Variants in SNX20 observed in about 807,000 individuals in gnomAD.
SNX20 encodes the protein sorting nexin-20.
Under a neutral mutation model 24.5 loss-of-function variants are expected in SNX20, and 21 were observed. The ratio of observed to expected loss-of-function variants is 0.86; its 90% CI spans 0.61 to 1.23. The LOEUF (loss-of-function observed/expected upper bound fraction) is 1.23. Ranked by LOEUF, SNX20 falls within the 50% of genes most tolerant of loss-of-function variation. The pLI, the probability that SNX20 is intolerant of heterozygous loss-of-function variation, is 0.00. For synonymous variants in SNX20, 206 were observed against 192.8 expected, an observed-to-expected ratio of 1.07 and a Z score of -0.57; for missense variants, 433 against 430.8, an observed-to-expected ratio of 1.00 and a Z score of -0.04.
rs569741233 is a variant in SNX20 at position 50,674,813 on chromosome 16, A to C, written c.283-739T>G. 4.6e-5 allele frequency among the ~76,000 whole-genome samples: 7 copies of C among 152,354 alleles called. No homozygotes were observed. The South Asian group carries it at 1.4e-3, about 32-fold the overall frequency. Reference sequence around the variant, plus strand: ...TGGTGATGCCGTTATATGGTAAGAAAATCAATCCTTTTCAATCATCTTTCA... The same window carrying C: ...TGGTGATGCCGTTATATGGTAAGAACATCAATCCTTTTCAATCATCTTTCA... On this transcript the variant is annotated intron_variant, in intron 3 of 3. Transcript: ENST00000330943.
chr16:50,674,125 C>T (rs1963128025), intron 3 of SNX20, 51 bp from the exon 4 acceptor site: 1 of 1,533,282 alleles, frequency 6.5e-7, no homozygotes, highest in South Asian at 1.3e-5. Flanking sequence ...GGGGCTGCGG[C>T]GGACGGAGCA....
downstream of SNX20, chr16:50,668,124 C>T (rs1596786508): frequency 6.5e-7 from 1 of 1,550,186 alleles, no homozygotes; most frequent in East Asian, 2.4e-5. Context: ...CAGGGCTGAA[C>T]ACTCGAGTTG....
At chr16:50,679,694 TA>T (rs1963256194) in intron 1 of SNX20, among the ~76,000 whole-genome samples, 1 of 152,200 alleles carries the variant, frequency 6.6e-6, no homozygotes, top group Non-Finnish European at 1.5e-5. Context: ...CCCTACCTGA[TA>T]AATGTGGCTA....
At chr16:50,677,345 T>C in intron 2 of SNX20, 52 bp downstream of exon 2, 1 of 1,491,122 alleles carries the variant, frequency 6.7e-7, no homozygotes, top group Non-Finnish European at 9.0e-7. Context: ...CATTTGTACT[T>C]TGAATGTCTT....
Position 50,674,021 on chromosome 16 carries a change from G to A in SNX20, c.336C>T (p.Val112=). The change falls in exon 4 of 4, where the codon GTC becomes GTT. Residue 112 remains valine (V), a synonymous_variant. Transcript: ENST00000330943. ...QTGSFDNNKA[V]LERRYSDFAK... ...CGAAGTCGGAATAGCGCCGTTCCAG[G>A]ACGGCCTTGTTGTTGTCAAAGCTCC... 6.2e-7 allele frequency: 1 copy of A among 1,611,396 alleles called. No homozygotes were observed. Among genetic ancestry groups the A allele is most frequent in the East Asian group, 2.2e-5 (1 of 44,572 alleles).
chr16:50,670,713 T>C (rs1963028060), downstream of SNX20: 1 of 152,306 alleles, frequency 6.6e-6, no homozygotes, highest in African/African-American at 2.4e-5. Context: ...CTCTAACTGC[T>C]GCAGCATATG....
In SNX20 at chr16:50,673,855, G is replaced by A; in HGVS notation, c.502C>T (p.Leu168Phe). Reference sequence around the variant, plus strand: ...CGGCGCACGCAGCGGATGGCGTAGAGCAGGCCCAGGTACTCCTGCAGGGCG... The same window carrying A: ...CGGCGCACGCAGCGGATGGCGTAGAACAGGCCCAGGTACTCCTGCAGGGCG... The part of the protein sequence containing the change: ...RRALQEYLGL[L>F]YAIRCVRRSR... Residue 168 changes from leucine (L) to phenylalanine (F), a missense_variant, in exon 4 of 4, where the codon CTC (leucine) becomes TTC (phenylalanine). By Grantham distance (22) the Leu-to-Phe change is conservative. Coordinates refer to ENST00000330943, the MANE Select transcript of SNX20 (RefSeq NM_182854.4). The surrounding 1 kb of genome is among the most constrained non-coding windows in gnomAD (Gnocchi z 4.1). The A allele has an allele frequency of 1.2e-6, 2 of 1,604,464 alleles. No homozygotes were observed. Among genetic ancestry groups the A allele is most frequent in the Non-Finnish European group, 1.7e-6 (2 of 1,179,184 alleles).
intron 3 of SNX20, among the ~76,000 whole-genome samples, 159 bp from the exon 4 acceptor site, chr16:50,674,233 A>G (rs146248727): frequency 0.032 from 3,719 of 115,592 alleles, 47 homozygotes; most frequent in African/African-American, 0.04. Context: ...TTGTTTGTTT[A>G]TTTATTTATT....
chr16:50,676,136 C>G (rs1963177465), intron 2 of SNX20, among the ~76,000 whole-genome samples: 1 of 152,060 alleles, frequency 6.6e-6, no homozygotes, highest in Non-Finnish European at 1.5e-5. Context: ...CACCGACAAT[C>G]CCAAATAGCC....
At chr16:50,670,640 T>C (rs1182022242), downstream of SNX20, 3 of 152,494 alleles carry the variant, frequency 2.0e-5, no homozygotes, top group East Asian at 1.9e-4. Context: ...TGCGGAAAGC[T>C]TGCTGGAGGT....
At chr16:50,678,715 T>A (rs1963235338) in intron 1 of SNX20, among the ~76,000 whole-genome samples, 1 of 152,200 alleles carries the variant, frequency 6.6e-6, no homozygotes, top group South Asian at 2.1e-4. Context: ...GTTTACATAA[T>A]AACTCTGTCT....
intron 2 of SNX20, 152 bp downstream of exon 2, chr16:50,677,245 G>T: frequency 1.9e-6 from 2 of 1,027,808 alleles, no homozygotes; most frequent in Non-Finnish European, 2.7e-6. Flanking sequence ...TAAACAGCTT[G>T]CACTAGATCT....
downstream of SNX20, chr16:50,667,107 G>A (rs570752712): frequency 2.0e-5 from 3 of 152,356 alleles, no homozygotes; most frequent in South Asian, 4.1e-4. Context: ...CCCACACACA[G>A]GCTCCCAGCT....
At chr16:50,666,617 A>G (rs1962921649) in exon 4 of SNX20, 1 of 152,272 alleles carries the variant, frequency 6.6e-6, no homozygotes. Context: ...TGACAATTTA[A>G]AAAGCAGATT....
intron 2 of SNX20, 93 bp downstream of exon 2, chr16:50,677,304 G>A (rs1015686152): frequency 3.5e-6 from 5 of 1,414,508 alleles, no homozygotes; most frequent in Admixed American, 2.5e-5. Flanking sequence ...GAGCTGCCCG[G>A]GCCTCTTGCT....
At position 50,675,901 on chromosome 16, in the gene SNX20, A is replaced by C. The variant is rs764608481; in HGVS notation, c.151T>G (p.Ser51Ala). 1.2e-4 allele frequency: 186 copies of C among 1,609,484 alleles called. No individual in the cohort carries two copies. In the South Asian group the frequency reaches 1.9e-3, roughly 17 times the overall value. ...TCCCGCGTGGTCATGCTGGAGTTGG[A>C]GCTCAGGCCACTGTGTGTGTCTGGA... ...GHLDTHSGLS[S>A]NSSMTTRELQ... The change falls in exon 3 of 4, where the codon TCC (serine) becomes GCC (alanine). Residue 51 changes from serine to alanine, a missense_variant. By Grantham distance (99) the Ser-to-Ala change is moderately conservative. Transcript: ENST00000330943.
downstream of SNX20, chr16:50,668,317 GC>G: frequency 7.6e-7 from 1 of 1,317,852 alleles, no homozygotes; most frequent in East Asian, 2.8e-5. Flanking sequence ...CTTGGTGATT[GC>G]AGGTCTCTAA....
rs1375018445 is a variant in SNX20, at chr16:50,677,544, G to A, written c.-9-9C>T. On this transcript the variant is annotated splice_polypyrimidine_tract_variant and intron_variant, in intron 1 of 3. Coordinates refer to ENST00000330943, the MANE Select transcript of SNX20 (RefSeq NM_182854.4). Reference sequence around the variant, plus strand: ...CTTGCCATGCTCCAAGGCTGCCAGAGGAAAAAGAGAACAGTGAGGACCCAC... The same window carrying A: ...CTTGCCATGCTCCAAGGCTGCCAGAAGAAAAAGAGAACAGTGAGGACCCAC... 3 of 1,547,792 alleles carry A rather than the reference G, an allele frequency of 1.9e-6. No homozygotes were observed.
At chr16:50,674,821 C>A (rs2150761598) in intron 3 of SNX20, among the ~76,000 whole-genome samples, 1 of 152,270 alleles carries the variant, frequency 6.6e-6, no homozygotes, top group South Asian at 2.1e-4. Flanking sequence ...AAAATCAATC[C>A]TTTTCAATCA....
Sources: gnomAD v4.1 joint callset for allele counts (sites outside exome capture counted in the v4.1 genomes callset) on GRCh38, gnomAD v4.1.1 for gene constraint, Gnocchi (gnomAD v3.1) non-coding constraint, MANE v1.5 for transcripts, NCBI Gene and HGNC (gene_info 2026-07-23, HGNC 2026-07-21) for gene names.